The following MROH1 variants were observed in gnomAD, a reference collection of about 807,000 sequenced individuals.
MROH1 encodes the protein maestro heat like repeat family member 1, also known as maestro heat-like repeat-containing protein family member 1.
A neutral mutation model predicts 116.5 loss-of-function variants in MROH1; 117 were observed. The observed-to-expected ratio is 1.00, with a 90% CI of 0.86 to 1.17. MROH1 has a LOEUF of 1.17. MROH1 is among the 50% of genes most tolerant of loss of function. The pLI is 0.00. For synonymous variants in MROH1, 921 were observed against 583.9 expected (o/e 1.58, Z -8.32); for missense variants, 1,873 against 1,338.5 (o/e 1.40, Z -6.23).
Position 144,180,743 on chromosome 8 carries a change from C to T in MROH1, c.562+220C>T, listed in dbSNP as rs1490258529. 6.6e-6 allele frequency among the ~76,000 whole-genome samples: 1 copy of T among 152,172 alleles called. No homozygotes were observed. The highest frequency in any genetic ancestry group is 1.5e-5 in the Non-Finnish European group (1 of 68,026). On this transcript the variant is annotated intron_variant, in intron 7 of 43. Transcript: ENST00000326134. This position sits in a 1 kb window ranked among gnomAD's most constrained non-coding sequence, Gnocchi z 7.4. The stretch of plus-strand genomic sequence containing the variant: ...GTTTCTCTCTACTCCTGGAGAGCCC[C>T]CCACCTTACATTGTGGGTCCACTGA...
In MROH1 at chr8:144,190,951, G is replaced by T; in HGVS notation, c.714+16G>T. 1 of 1,610,824 alleles carries T rather than the reference G, an allele frequency of 6.2e-7. No homozygotes were observed. On this transcript the variant is annotated intron_variant, in intron 8 of 43. Coordinates refer to ENST00000326134, the MANE Select transcript of MROH1 (RefSeq NM_032450.3). ...AGAAGCCAAGGTATGCCCCGTGGCT[G>T]CATCAGTCCACGCCTGATGCCAGGG...
intron 14 of MROH1, 107 bp from the exon 15 acceptor site, chr8:144,238,649 G>A (rs1188499755): frequency 1.7e-5 from 12 of 696,592 alleles, no homozygotes; most frequent in South Asian, 3.0e-5. Flanking sequence ...ACATGTCTGC[G>A]TGACCTGCGG....
At chr8:144,191,072 CTTTA>C (rs998239448) in intron 8 of MROH1, 137 bp downstream of exon 8, 20 of 961,212 alleles carry the variant, frequency 2.1e-5, no homozygotes, top group African/African-American at 2.0e-4. Flanking sequence ...GGTGGCTCAC[CTTTA>C]TTTATTTTTT....
chr8:144,227,652 C>T lies in MROH1; in HGVS notation c.1338+4422C>T, dbSNP rs560921200. ...AGAATGAGACCCTGTCACACACACA[C>T]AAAAAGTTGAATGCTGGGCCAGCGC... On this transcript the variant is annotated intron_variant, in intron 14 of 43. Coordinates refer to ENST00000326134, the MANE Select transcript of MROH1 (RefSeq NM_032450.3). 1.5e-4 allele frequency among the ~76,000 whole-genome samples: 22 copies of T among 148,628 alleles called. No homozygotes were observed. The South Asian group carries it at 4.7e-3, about 32-fold the overall frequency.
chr8:144,180,307 C>T lies in MROH1; in HGVS notation c.430C>T (p.Leu144=). The T allele has an allele frequency of 6.2e-7, 1 of 1,607,280 alleles. No homozygotes were observed. Among genetic ancestry groups the T allele is most frequent in the Non-Finnish European group, 8.5e-7 (1 of 1,179,586 alleles). Residue 144 remains leucine, a synonymous_variant, in exon 6 of 44, where the codon CTG becomes TTG. Coordinates refer to ENST00000326134, the MANE Select transcript of MROH1 (RefSeq NM_032450.3). The surrounding 1 kb of genome is among the most constrained non-coding windows in gnomAD (Gnocchi z 7.4). ...HPGTLPHCAV[L]HTLASLSVAN... Reference sequence around the variant, plus strand: ...TGGGACCCTGCCACACTGCGCCGTGCTGCACACCCTCGCCAGCCTCTCGGT... The same window carrying T: ...TGGGACCCTGCCACACTGCGCCGTGTTGCACACCCTCGCCAGCCTCTCGGT...
intron 1 of MROH1, among the ~76,000 whole-genome samples, chr8:144,157,619 A>T (rs1282401792): frequency 1.3e-5 from 2 of 148,640 alleles, no homozygotes; most frequent in African/African-American, 5.0e-5. Context: ...GTGAGGTTTG[A>T]TAGCTTGTAG....
Position 144,170,447 on chromosome 8 carries a change from C to T in MROH1, c.168+2007C>T, listed in dbSNP as rs114929047. On this transcript the variant is annotated intron_variant, in intron 4 of 43. Transcript: ENST00000326134. ...TTTCCCTGCCCTAGTCCTCTTCTGT[C>T]GTCTCCTCCTGCAGACCGCCTCCAG... 7.0e-3 allele frequency among the ~76,000 whole-genome samples: 1,072 copies of T among 152,298 alleles called. 11 individuals carry two copies. Among genetic ancestry groups the T allele is most frequent in the African/African-American group, 0.024 (1,003 of 41,562 alleles).
intron 10 of MROH1, among the ~76,000 whole-genome samples, chr8:144,196,957 G>T (rs1320602394): frequency 1.2e-5 from 1 of 83,994 alleles, no homozygotes; most frequent in Non-Finnish European, 2.3e-5. Context: ...AGCCAGGCGT[G>T]GTGGCACACA....
chr8:144,240,730 G>T, intron 20 of MROH1, 53 bp downstream of exon 20: 1 of 707,418 alleles, frequency 1.4e-6, no homozygotes. Flanking sequence ...GAGTTTCTGG[G>T]TCTCGTGTCT....
chr8:144,195,109 C>A, intron 10 of MROH1, among the ~76,000 whole-genome samples: 1 of 144,122 alleles, frequency 6.9e-6, no homozygotes, highest in African/African-American at 2.6e-5. Flanking sequence ...GTGGGAGGAT[C>A]GCTTGAGCCC....
Position 144,260,746 on chromosome 8 carries a change from T to A in MROH1, c.4450T>A (p.Cys1484Ser), listed in dbSNP as rs1027801461. The change falls in exon 40 of 44, where the codon TGT becomes AGT. Residue 1484 changes from cysteine (C) to serine (S), a missense_variant. Physicochemically the swap from Cys to Ser is moderately radical, Grantham distance 112. Coordinates refer to ENST00000326134, the MANE Select transcript of MROH1 (RefSeq NM_032450.3). ...GHLNKVCHGD[C>S]EDVFLDQVVG... The stretch of plus-strand genomic sequence containing the variant: ...CCTTAACAAGGTCTGCCACGGAGAC[T>A]GTGAGGACGTCTTCCTGGACCAGGT... 1 of 779,310 alleles carries A rather than the reference T, an allele frequency of 1.3e-6. No homozygotes were observed. The highest frequency in any genetic ancestry group is 2.4e-6 in the Non-Finnish European group (1 of 417,780). 48.3% of individuals were successfully genotyped at this position (779,310 alleles called of 1,614,324 possible).
chr8:144,153,417 G>C (rs1023008503), intron 1 of MROH1, among the ~76,000 whole-genome samples: 1 of 151,850 alleles, frequency 6.6e-6, no homozygotes, highest in Non-Finnish European at 1.5e-5. Context: ...GTCTGGTCTC[G>C]AACTCCTGAC....
chr8:144,177,516 A>G (rs1334762568), intron 4 of MROH1, among the ~76,000 whole-genome samples: 3 of 152,154 alleles, frequency 2.0e-5, no homozygotes, highest in Admixed American at 6.5e-5. Context: ...AGCCGGTAGC[A>G]CTTCTCCTAT....
At chr8:144,238,665 C>G in intron 14 of MROH1, 91 bp from the exon 15 acceptor site, 2 of 720,802 alleles carry the variant, frequency 2.8e-6, no homozygotes, top group Non-Finnish European at 5.0e-6. Context: ...TGCGGCGAGG[C>G]TCAGGGTCTG....
chr8:144,257,527 G>C (rs1279219217), intron 35 of MROH1, among the ~76,000 whole-genome samples: 2 of 152,178 alleles, frequency 1.3e-5, no homozygotes, highest in Non-Finnish European at 2.9e-5. Flanking sequence ...CCGTCCAGAA[G>C]CCTCATGGGG....
At position 144,179,472 on chromosome 8, in the gene MROH1, A is replaced by G; in HGVS notation, c.186A>G (p.Arg62=). Residue 62 remains arginine (R), a synonymous_variant, in exon 5 of 44, where the codon CGA becomes CGG. Coordinates refer to ENST00000326134, the MANE Select transcript of MROH1 (RefSeq NM_032450.3). ...RQHDKLAHPY[R]AAVLRAMERV... Reference sequence around the variant, plus strand: ...CTCCGCAGCTGGCACACCCATACCGAGCAGCGGTCCTGAGGGCCATGGAGA... The same window carrying G: ...CTCCGCAGCTGGCACACCCATACCGGGCAGCGGTCCTGAGGGCCATGGAGA... 6.2e-7 allele frequency: 1 copy of G among 1,613,440 alleles called. No individual in the cohort carries two copies. The highest frequency in any genetic ancestry group is 1.1e-5 in the South Asian group (1 of 91,076).
chr8:144,201,981 G>A (rs1317966485), intron 12 of MROH1, among the ~76,000 whole-genome samples: 1 of 144,944 alleles, frequency 6.9e-6, no homozygotes, highest in South Asian at 2.1e-4. Context: ...TGGCTAAACC[G>A]CACTCAAGCC....
intron 11 of MROH1, among the ~76,000 whole-genome samples, chr8:144,200,021 C>T (rs1830752941): frequency 6.6e-6 from 1 of 152,164 alleles, no homozygotes; most frequent in South Asian, 2.1e-4. Context: ...GCTTGGGCTG[C>T]ATTAGCCCTG....
At chr8:144,234,202 G>A (rs1789239563) in intron 14 of MROH1, among the ~76,000 whole-genome samples, 1 of 151,970 alleles carries the variant, frequency 6.6e-6, no homozygotes, top group Non-Finnish European at 1.5e-5. Context: ...GTAGAGACGG[G>A]GTTTCACCGT....
Sources: allele counts gnomAD v4.1 joint callset (sites outside exome capture counted in the v4.1 genomes callset), GRCh38; gene constraint gnomAD v4.1.1; non-coding constraint Gnocchi (gnomAD v3.1); transcripts MANE v1.5; gene names NCBI Gene and HGNC (gene_info 2026-07-23, HGNC 2026-07-21).